Variants in ME3 observed in about 807,000 individuals in gnomAD.
ME3 encodes NADP-dependent malic enzyme, mitochondrial.
ME3 carries 48 observed loss-of-function variants against 68.9 expected under a neutral mutation model. The observed-to-expected ratio is 0.70, with a 90% CI of 0.55 to 0.89. The LOEUF is 0.89. Among genes scored for constraint, ME3 ranks in the 40% least tolerant of loss-of-function variants. ME3 has a pLI of 0.00. For missense variants in ME3, 675 were observed against 797.4 expected (o/e 0.85, Z 1.85); for synonymous variants, 320 against 318.8 (o/e 1.00, Z -0.04).
intron 2 of ME3, among the ~76,000 whole-genome samples, chr11:86,652,110 A>G (rs1189735053): frequency 2.6e-5 from 4 of 152,236 alleles, no homozygotes; most frequent in African/African-American, 9.6e-5. Flanking sequence ...GACCAAATCT[A>G]CGTCTGACTG....
chr11:86,452,199 G>T (rs1949671129), intron 8 of ME3, among the ~76,000 whole-genome samples: 1 of 152,162 alleles, frequency 6.6e-6, no homozygotes, highest in Non-Finnish European at 1.5e-5. Flanking sequence ...GGTCTTAGTT[G>T]CCAAGAAGGA....
chr11:86,562,112 T>A (rs1447486305), intron 2 of ME3, among the ~76,000 whole-genome samples: 2 of 152,190 alleles, frequency 1.3e-5, no homozygotes, highest in Admixed American at 6.5e-5. Flanking sequence ...CCACTGACCT[T>A]CTTTACTGAC....
intron 4 of ME3, among the ~76,000 whole-genome samples, chr11:86,535,096 T>C (rs1031208185): frequency 2.0e-5 from 3 of 152,166 alleles, no homozygotes; most frequent in African/African-American, 7.2e-5. Flanking sequence ...TTTACCTATT[T>C]ATCTTAATTA....
intron 5 of ME3, among the ~76,000 whole-genome samples, chr11:86,499,656 C>T (rs1952592423): frequency 6.6e-6 from 1 of 152,152 alleles, no homozygotes; most frequent in Non-Finnish European, 1.5e-5. Context: ...TAAAAACATT[C>T]CTCTGCTTCT....
intron 8 of ME3, among the ~76,000 whole-genome samples, chr11:86,456,083 A>G (rs893073139): frequency 6.6e-6 from 1 of 152,098 alleles, no homozygotes; most frequent in Admixed American, 6.5e-5. Flanking sequence ...AGTTCTACGG[A>G]GTCAGAATTT....
chr11:86,521,431 A>AAC (rs1555221579), intron 4 of ME3, among the ~76,000 whole-genome samples: 1 of 145,924 alleles, frequency 6.9e-6, no homozygotes, highest in African/African-American at 2.6e-5. Context: ...AACAAAACAA[A>AAC]AATAATAATA....
chr11:86,663,962 C>T (rs1946439027), intron 2 of ME3, among the ~76,000 whole-genome samples: 1 of 152,228 alleles, frequency 6.6e-6, no homozygotes, highest in Admixed American at 6.5e-5. Context: ...CTAGATATTG[C>T]TGTTTACAAC....
intron 8 of ME3, among the ~76,000 whole-genome samples, chr11:86,461,667 T>G (rs1032312672): frequency 1.3e-5 from 2 of 152,080 alleles, no homozygotes; most frequent in Non-Finnish European, 1.5e-5. Flanking sequence ...GAGGTGGCTC[T>G]CTCTCTCTGA....
intron 2 of ME3, among the ~76,000 whole-genome samples, chr11:86,596,138 G>A (rs781480065): frequency 3.4e-4 from 52 of 152,172 alleles, no homozygotes; most frequent in African/African-American, 9.9e-4. Context: ...GGTTGCCTTC[G>A]TATTTCAAAA....
At chr11:86,459,156 C>T (rs1950099802) in intron 8 of ME3, among the ~76,000 whole-genome samples, 1 of 152,158 alleles carries the variant, frequency 6.6e-6, no homozygotes, top group African/African-American at 2.4e-5. Context: ...GAAGAGAATT[C>T]TAGGCAGAGG....
At chr11:86,562,001 T>C (rs1957260776) in intron 2 of ME3, among the ~76,000 whole-genome samples, 1 of 152,240 alleles carries the variant, frequency 6.6e-6, no homozygotes, top group South Asian at 2.1e-4. Context: ...ATGCATGTCA[T>C]GCATCTACCA....
chr11:86,486,441 G>T (rs949202833), intron 7 of ME3, among the ~76,000 whole-genome samples: 4 of 152,310 alleles, frequency 2.6e-5, no homozygotes, highest in African/African-American at 9.6e-5. Flanking sequence ...ATTACAGTTT[G>T]CCCACCCCTG....
At chr11:86,486,817 T>C (rs1951719246) in intron 7 of ME3, among the ~76,000 whole-genome samples, 1 of 152,218 alleles carries the variant, frequency 6.6e-6, no homozygotes, top group South Asian at 2.1e-4. Flanking sequence ...AAGCTGCCAG[T>C]ACTGTGAAGC....
intron 5 of ME3, among the ~76,000 whole-genome samples, chr11:86,506,715 G>A (rs1264895856): frequency 6.6e-6 from 1 of 152,198 alleles, no homozygotes; most frequent in African/African-American, 2.4e-5. Context: ...CCAACTCTGT[G>A]TAAGCATCTA....
intron 4 of ME3, among the ~76,000 whole-genome samples, chr11:86,524,023 T>C (rs1225425099): frequency 6.6e-6 from 1 of 152,226 alleles, no homozygotes; most frequent in African/African-American, 2.4e-5. Flanking sequence ...CTAAAATATT[T>C]ACTCCTTCAG....
chr11:86,442,970 A>G (rs1208519120), intron 13 of ME3, 51 bp from the exon 14 acceptor site: 1 of 1,474,010 alleles, frequency 6.8e-7, no homozygotes, highest in East Asian at 2.3e-5. Context: ...CTGCCTTCCC[A>G]AAACAAGCCC....
chr11:86,508,070 G>T (rs961702016), intron 5 of ME3, among the ~76,000 whole-genome samples: 1 of 152,038 alleles, frequency 6.6e-6, no homozygotes, highest in Non-Finnish European at 1.5e-5. Context: ...GAGTAAAATG[G>T]ATGCTCCTGG....
At chr11:86,665,242 G>A (rs931150595) in intron 2 of ME3, among the ~76,000 whole-genome samples, 1 of 152,226 alleles carries the variant, frequency 6.6e-6, no homozygotes, top group African/African-American at 2.4e-5. Flanking sequence ...TAAGTAAGCA[G>A]TTAGATAGCA....
At chr11:86,459,791 T>C (rs1950139949) in intron 8 of ME3, among the ~76,000 whole-genome samples, 1 of 152,220 alleles carries the variant, frequency 6.6e-6, no homozygotes, top group South Asian at 2.1e-4. Flanking sequence ...CAGGGGGTGC[T>C]AATAGCCTGA....
Sources: allele counts gnomAD v4.1 joint callset (sites outside exome capture counted in the v4.1 genomes callset), GRCh38; gene constraint gnomAD v4.1.1; transcripts MANE v1.5; gene names NCBI Gene and HGNC (gene_info 2026-07-23, HGNC 2026-07-21).